The following NGLY1 variants were observed in gnomAD, a reference collection of about 807,000 sequenced individuals.
NGLY1 encodes peptide-N(4)-(N-acetyl-beta-glucosaminyl)asparagine amidase.
A neutral mutation model predicts 84.6 loss-of-function variants in NGLY1; 68 were observed. The observed-to-expected ratio is 0.80, with a 90% confidence interval of 0.66 to 0.98. The LOEUF is 0.98. Among genes scored for constraint, NGLY1 ranks in the 50% least tolerant of loss-of-function variants. NGLY1 has a pLI of 0.00. For missense variants in NGLY1, 779 were observed against 770.2 expected (o/e 1.01, Z -0.14); for synonymous variants, 280 against 275.2 (o/e 1.02, Z -0.17).
intron 3 of NGLY1, among the ~76,000 whole-genome samples, chr3:25,759,194 T>C (rs974566662): frequency 2.0e-5 from 3 of 152,150 alleles, no homozygotes; most frequent in East Asian, 1.9e-4. Context: ...AGCAGACACA[T>C]TGCCTCCATT....
At chr3:25,753,001 A>G (rs1706836773) in intron 3 of NGLY1, among the ~76,000 whole-genome samples, 2 of 152,098 alleles carry the variant, frequency 1.3e-5, no homozygotes, top group African/African-American at 4.8e-5. Flanking sequence ...GTTAAGGGAA[A>G]TTCCAGAAAG....
chr3:25,741,959 C>T (rs892292604), intron 4 of NGLY1, among the ~76,000 whole-genome samples: 2 of 152,136 alleles, frequency 1.3e-5, no homozygotes, highest in African/African-American at 4.8e-5. Context: ...CGAGATCGCG[C>T]CACTGCACTC....
chr3:25,761,677 C>A (rs1400216374), intron 3 of NGLY1, among the ~76,000 whole-genome samples: 1 of 152,078 alleles, frequency 6.6e-6, no homozygotes, highest in East Asian at 1.9e-4. Flanking sequence ...TATAAACTTA[C>A]CATACAACCC....
intron 4 of NGLY1, among the ~76,000 whole-genome samples, chr3:25,747,234 T>C (rs1250785320): frequency 6.6e-6 from 1 of 152,172 alleles, no homozygotes; most frequent in Non-Finnish European, 1.5e-5. Context: ...ACACAAAACA[T>C]GTTCAGTAAG....
intron 9 of NGLY1, chr3:25,729,606 C>G (rs1413101019): frequency 3.2e-5 from 6 of 186,740 alleles, no homozygotes; most frequent in Non-Finnish European, 5.5e-5. Flanking sequence ...ACCACCACCA[C>G]TATCCCCCTA....
intron 2 of NGLY1, among the ~76,000 whole-genome samples, chr3:25,767,467 CG>C (rs1559553873): frequency 6.6e-6 from 1 of 152,106 alleles, no homozygotes; most frequent in East Asian, 1.9e-4. Context: ...GCAAATTTCC[CG>C]TACTCATCTT....
At position 25,764,097 on chromosome 3, in the gene NGLY1, C is replaced by T. The variant is rs375945206; in HGVS notation, c.461G>A (p.Gly154Glu). ...AGCAGATGGTGGATCTGATGACTGCCCTTGACGGTTCCTTGTGTGCTGGTT... is the reference window on the plus strand; with the variant it reads ...AGCAGATGGTGGATCTGATGACTGCTCTTGACGGTTCCTTGTGTGCTGGTT... ...GLNQHTRNRQ[G>E]QSSDPPSAST... is the part of the protein sequence containing the mutation. The change falls in exon 3 of 12, where the codon GGG becomes GAG. Residue 154 changes from glycine (G) to glutamate (E), a missense_variant. Physicochemically the swap from Gly to Glu is moderately conservative, Grantham distance 98 (BLOSUM62 -2). Transcript: ENST00000280700. 2.5e-5 allele frequency: 40 copies of T among 1,614,016 alleles called. No homozygotes were observed. The highest frequency in any genetic ancestry group is 1.6e-4 in the Middle Eastern group (1 of 6,084).
chr3:25,755,366 G>C, intron 3 of NGLY1: 3 of 1,316,740 alleles, frequency 2.3e-6, no homozygotes, highest in Non-Finnish European at 3.3e-6. Context: ...ATTGACTGTT[G>C]GTGCTGTTAG....
chr3:25,741,080 A>G (rs1476541941), intron 4 of NGLY1, among the ~76,000 whole-genome samples: 1 of 151,050 alleles, frequency 6.6e-6, no homozygotes, highest in Non-Finnish European at 1.5e-5. Context: ...GTGAGCCAAG[A>G]TCATGCCATT....
rs540046174 is a variant in NGLY1 at position 25,754,428 on chromosome 3, C to A, written c.493-3165G>T. On this transcript the variant is annotated intron_variant, in intron 3 of 11. Coordinates refer to ENST00000280700, the MANE Select transcript of NGLY1 (RefSeq NM_018297.4). ...GGATCAGAGAGATCAGTGTTTAGTA[C>A]CCAGAGAACTAAGGGGAAAGCAGTG... 2.0e-5 allele frequency among the ~76,000 whole-genome samples: 3 copies of A among 152,198 alleles called. No homozygotes were observed. The East Asian group carries it at 5.8e-4, about 29-fold the overall frequency.
In NGLY1 at chr3:25,764,230, T is replaced by G; in HGVS notation, c.328A>C (p.Ser110Arg). ...TTATTTGAGCCATCCAGTCTGCTAC[T>G]TCTCTCTATGGCAATCAGGTCACGA... ...KIRDLIAIER[S>R]SRLDGSNKSH... Residue 110 changes from serine (S) to arginine (R), a missense_variant, in exon 3 of 12, where the codon AGT (serine) becomes CGT (arginine). Ser to Arg is a moderately radical substitution (Grantham distance 110). Coordinates refer to ENST00000280700, the MANE Select transcript of NGLY1 (RefSeq NM_018297.4). The G allele has an allele frequency of 6.2e-7, 1 of 1,614,188 alleles. No individual in the cohort carries two copies. Among genetic ancestry groups the G allele is most frequent in the Non-Finnish European group, 8.5e-7 (1 of 1,180,038 alleles).
chr3:25,778,514 A>G, intron 2 of NGLY1, 60 bp downstream of exon 2: 1 of 887,250 alleles, frequency 1.1e-6, no homozygotes, highest in Non-Finnish European at 1.7e-6. Flanking sequence ...ATTATTCACC[A>G]ACATGATAAT....
At chr3:25,780,461 C>T (rs1175352494) in intron 1 of NGLY1, among the ~76,000 whole-genome samples, 3 of 152,154 alleles carry the variant, frequency 2.0e-5, no homozygotes, top group Non-Finnish European at 2.9e-5. Context: ...GATGATATAT[C>T]CTACTGGTTC....
chr3:25,740,783 C>T (rs1706098207), intron 4 of NGLY1, among the ~76,000 whole-genome samples: 1 of 152,066 alleles, frequency 6.6e-6, no homozygotes, highest in African/African-American at 2.4e-5. Flanking sequence ...ACAAATTAAT[C>T]TATAATTTAA....
At chr3:25,738,469 A>G (rs1444863379) in intron 5 of NGLY1, among the ~76,000 whole-genome samples, 1 of 152,170 alleles carries the variant, frequency 6.6e-6, no homozygotes, top group Non-Finnish European at 1.5e-5. Flanking sequence ...GAGCAGGAAA[A>G]GTGCTGCAGC....
intron 11 of NGLY1, 116 bp from the exon 12 acceptor site, chr3:25,719,751 T>C: frequency 1.3e-6 from 1 of 794,428 alleles, no homozygotes; most frequent in Non-Finnish European, 1.9e-6. Context: ...CCCTTAAAAA[T>C]AAATACAAAT....
upstream of NGLY1, among the ~76,000 whole-genome samples, chr3:25,787,552 G>C (rs1277445671): frequency 6.6e-6 from 1 of 152,156 alleles, no homozygotes; most frequent in Non-Finnish European, 1.5e-5. Flanking sequence ...GAACCAGGCT[G>C]GTAAGTTAAA....
intron 4 of NGLY1, among the ~76,000 whole-genome samples, chr3:25,744,607 C>T (rs1222866138): frequency 6.6e-6 from 1 of 152,176 alleles, no homozygotes; most frequent in Admixed American, 6.5e-5. Context: ...GCTACTTCTT[C>T]CTCATTTATA....
chr3:25,783,497 C>G, upstream of NGLY1: 1 of 1,139,970 alleles, frequency 8.8e-7, no homozygotes, highest in East Asian at 4.8e-5. This position sits in a 1 kb window ranked among gnomAD's most constrained non-coding sequence, Gnocchi z 4.5. Flanking sequence ...GGGGCGGGGT[C>G]CTCGGCCGGC....
Sources: gnomAD v4.1 joint callset for allele counts (sites outside exome capture counted in the v4.1 genomes callset) on GRCh38, gnomAD v4.1.1 for gene constraint, Gnocchi (gnomAD v3.1) non-coding constraint, MANE v1.5 for transcripts, NCBI Gene and HGNC (gene_info 2026-07-23, HGNC 2026-07-21) for gene names.